The following SLIT3 variants were observed in gnomAD, a reference collection of about 807,000 sequenced individuals.
The protein encoded by SLIT3 is slit guidance ligand 3, also known as slit homolog 3 protein.
A neutral mutation model predicts 184.0 loss-of-function variants in SLIT3; 68 were observed. That is an observed-to-expected ratio of 0.37 (90% CI 0.30 to 0.45). SLIT3 has a LOEUF of 0.45. Ranked by LOEUF, SLIT3 falls within the 20% of genes least tolerant of loss-of-function variation. SLIT3 has a pLI of 1.00. For missense variants in SLIT3, 1,707 were observed against 2,026.0 expected, an observed-to-expected ratio of 0.84 and a Z score of 3.02; for synonymous variants, 831 against 828.6, an observed-to-expected ratio of 1.00 and a Z score of -0.05.
chr5:168,934,686 G>A (rs546849400), intron 4 of SLIT3, among the ~76,000 whole-genome samples: 2 of 152,102 alleles, frequency 1.3e-5, no homozygotes, highest in Non-Finnish European at 2.9e-5. Context: ...TGTAGGAAAG[G>A]GGAGCACTTC....
At chr5:169,187,544 T>C (rs1353459109) in intron 4 of SLIT3, among the ~76,000 whole-genome samples, 1 of 103,158 alleles carries the variant, frequency 9.7e-6, no homozygotes, top group African/African-American at 4.1e-5. Context: ...TTCTTTTCTT[T>C]TTCTTTCTTT....
chr5:169,144,468 T>C (rs6877251), intron 4 of SLIT3, among the ~76,000 whole-genome samples: 2,204 of 152,366 alleles, frequency 0.014, 54 homozygotes, highest in African/African-American at 0.05. Context: ...CCCACCTGAG[T>C]ATAAACTCTT....
Position 168,673,312 on chromosome 5 carries a change from C to G in SLIT3, c.3706G>C (p.Gly1236Arg). ...ACCAGCTCCACACTGTGAAACTGCC[C>G]ATCATTCACTGTCTCCACACTGGCC... ...TVYSVETVNDGQFHSVELVTL... is the reference protein window; with the variant it reads ...TVYSVETVNDRQFHSVELVTL... Residue 1236 changes from glycine to arginine, a missense_variant, in exon 33 of 36, where the codon GGG becomes CGG. Transcript: ENST00000519560. 1 of 1,614,138 alleles carries G rather than the reference C, an allele frequency of 6.2e-7. No homozygotes were observed. The highest frequency in any genetic ancestry group is 8.5e-7 in the Non-Finnish European group (1 of 1,180,006).
At chr5:168,770,528 C>T (rs186163289) in intron 14 of SLIT3, among the ~76,000 whole-genome samples, 1 of 152,232 alleles carries the variant, frequency 6.6e-6, no homozygotes, top group African/African-American at 2.4e-5. Flanking sequence ...AAAGCCAAGG[C>T]CTTTGGAGCT....
intron 4 of SLIT3, among the ~76,000 whole-genome samples, chr5:169,163,188 G>A (rs1762533358): frequency 1.3e-5 from 2 of 152,128 alleles, no homozygotes; most frequent in South Asian, 2.1e-4. Context: ...GGGCATGGTG[G>A]TGTGTGCCTG....
intron 29 of SLIT3, among the ~76,000 whole-genome samples, chr5:168,691,063 G>A (rs1761891754): frequency 6.6e-6 from 1 of 152,174 alleles, no homozygotes; most frequent in African/African-American, 2.4e-5. Flanking sequence ...CAGAACCCCA[G>A]CAACAGAGCC....
intron 4 of SLIT3, among the ~76,000 whole-genome samples, chr5:169,178,922 C>T (rs936458744): frequency 2.0e-5 from 3 of 152,108 alleles, no homozygotes; most frequent in South Asian, 2.1e-4. Context: ...TCACATTCTT[C>T]GGTGCAATGT....
At chr5:169,030,252 T>G (rs1756978637) in intron 4 of SLIT3, 1 of 152,270 alleles carries the variant, frequency 6.6e-6, no homozygotes, top group Non-Finnish European at 1.5e-5. Context: ...ACTAATGCCT[T>G]GCATTGCTAA....
At chr5:169,010,733 CACT>C (rs1283328341) in intron 4 of SLIT3, among the ~76,000 whole-genome samples, 1 of 152,002 alleles carries the variant, frequency 6.6e-6, no homozygotes, top group Non-Finnish European at 1.5e-5. Context: ...GAAACCCCGT[CACT>C]ACCAAAATAC....
intron 3 of SLIT3, among the ~76,000 whole-genome samples, chr5:169,235,138 TCA>T (rs912331537): frequency 1.9e-4 from 29 of 152,198 alleles, no homozygotes; most frequent in Admixed American, 6.5e-5. Flanking sequence ...GTTTTCTTCC[TCA>T]GAGATTCCTA....
At chr5:169,187,166 T>G (rs1217349977) in intron 4 of SLIT3, among the ~76,000 whole-genome samples, 3 of 124,072 alleles carry the variant, frequency 2.4e-5, no homozygotes, top group African/African-American at 9.4e-5. Flanking sequence ...CAGGCTGGAG[T>G]GCAGTGGCAT....
chr5:168,742,233 G>A (rs951459659), intron 20 of SLIT3, among the ~76,000 whole-genome samples: 1 of 147,328 alleles, frequency 6.8e-6, no homozygotes, highest in African/African-American at 2.5e-5. Flanking sequence ...CCAAGGCTGG[G>A]ACTCACCTCT....
intron 3 of SLIT3, among the ~76,000 whole-genome samples, chr5:169,235,302 G>C (rs1765156391): frequency 6.6e-6 from 1 of 151,952 alleles, no homozygotes; most frequent in Admixed American, 6.6e-5. Flanking sequence ...AATCCATCTA[G>C]ATTAAAATAT....
At chr5:169,073,258 G>A (rs771051660) in intron 4 of SLIT3, among the ~76,000 whole-genome samples, 3 of 152,188 alleles carry the variant, frequency 2.0e-5, no homozygotes, top group Non-Finnish European at 4.4e-5. Context: ...CATTAAAAGA[G>A]TAAGAGGACA....
chr5:168,828,666 A>AAAAAAAAAAAAAAAAAAG, intron 6 of SLIT3, among the ~76,000 whole-genome samples: 1 of 150,426 alleles, frequency 6.6e-6, no homozygotes. Context: ...CTCAAAAAAA[A>AAAAAAAAAAAAAAAAAAG]AAAAGAAAAA....
intron 3 of SLIT3, among the ~76,000 whole-genome samples, chr5:169,196,182 T>A (rs994652130): frequency 6.6e-6 from 1 of 151,378 alleles, no homozygotes; most frequent in African/African-American, 2.4e-5. Context: ...AGAGGGGGAC[T>A]CCAGGAAGAG....
At chr5:168,790,857 T>A (rs1427586187) in intron 10 of SLIT3, 2 of 152,238 alleles carry the variant, frequency 1.3e-5, no homozygotes, top group Non-Finnish European at 2.9e-5. Context: ...CTAATAGATT[T>A]CAAAAGAACC....
intron 23 of SLIT3, among the ~76,000 whole-genome samples, chr5:168,722,002 T>A (rs1018187612): frequency 1.3e-5 from 2 of 152,154 alleles, no homozygotes; most frequent in African/African-American, 4.8e-5. Flanking sequence ...ATTTTACACA[T>A]AAAGAAGCAG....
At chr5:168,804,371 G>C (rs1166673164) in intron 9 of SLIT3, among the ~76,000 whole-genome samples, 1 of 140,466 alleles carries the variant, frequency 7.1e-6, no homozygotes, top group East Asian at 2.2e-4. Flanking sequence ...AAAGGAAAGA[G>C]AGCAAGGATA....
Sources: gnomAD v4.1 joint callset for allele counts (sites outside exome capture counted in the v4.1 genomes callset) on GRCh38, gnomAD v4.1.1 for gene constraint, MANE v1.5 for transcripts, NCBI Gene and HGNC (gene_info 2026-07-23, HGNC 2026-07-21) for gene names.